The following SYT7 variants were observed in gnomAD, a reference collection of about 807,000 sequenced individuals.
The protein encoded by SYT7 is synaptotagmin-7.
In SYT7, 29 loss-of-function variants were observed where a neutral mutation model predicts 75.1. The observed-to-expected ratio is 0.39, with a 90% CI of 0.29 to 0.53. The LOEUF is 0.53. Ranked by LOEUF, SYT7 falls within the 20% of genes least tolerant of loss-of-function variation. The pLI is 0.77. For synonymous variants in SYT7, 376 were observed against 401.7 expected (o/e 0.94, Z 0.76); for missense variants, 693 against 953.2 (o/e 0.73, Z 3.59).
chr11:61,532,074 A>AGGGT (rs1225571662), intron 8 of SYT7, among the ~76,000 whole-genome samples: 1 of 151,924 alleles, frequency 6.6e-6, no homozygotes, highest in Non-Finnish European at 1.5e-5. Context: ...ACATGGCAGA[A>AGGGT]GGGTGGGGGC....
chr11:61,579,307 C>T (rs2135468274), intron 1 of SYT7, among the ~76,000 whole-genome samples: 1 of 152,342 alleles, frequency 6.6e-6, no homozygotes, highest in Admixed American at 6.5e-5. Flanking sequence ...AGCCGGCGGC[C>T]TCTTCGACGA....
chr11:61,527,210 C>T (rs1411856975), intron 9 of SYT7, among the ~76,000 whole-genome samples: 1 of 152,128 alleles, frequency 6.6e-6, no homozygotes, highest in Non-Finnish European at 1.5e-5. Context: ...CCGTCCCATG[C>T]GGGGGAGGGG....
chr11:61,545,910 G>A (rs892224252), intron 5 of SYT7, 121 bp downstream of exon 5: 13 of 851,848 alleles, frequency 1.5e-5, no homozygotes, highest in South Asian at 7.0e-5. Flanking sequence ...GATGGAATGA[G>A]CCAGGGGCCG....
chr11:61,585,390 G>A (rs557565300), upstream of SYT7, among the ~76,000 whole-genome samples: 2 of 152,236 alleles, frequency 1.3e-5, no homozygotes, highest in South Asian at 2.1e-4. Flanking sequence ...CTGAGCATTC[G>A]CCTGATTCAG....
chr11:61,527,476 A>G (rs1005704952), intron 9 of SYT7, among the ~76,000 whole-genome samples: 3 of 152,174 alleles, frequency 2.0e-5, no homozygotes, highest in Admixed American at 2.0e-4. Flanking sequence ...CTGAACCACT[A>G]TGATCTGGTG....
chr11:61,541,276 C>G, intron 6 of SYT7: 1 of 985,426 alleles, frequency 1.0e-6, no homozygotes, highest in Non-Finnish European at 1.2e-6. Flanking sequence ...AAGACCTGGG[C>G]GATGGGAACA....
At chr11:61,547,768 A>G (rs1334749104) in intron 3 of SYT7, among the ~76,000 whole-genome samples, 1 of 152,134 alleles carries the variant, frequency 6.6e-6, no homozygotes, top group Non-Finnish European at 1.5e-5. Context: ...CCAGGTGCCA[A>G]CTTGCTGGGC....
rs1173155392 is a variant in SYT7, at chr11:61,551,976, TG to T, written c.136-514del. 6.6e-6 allele frequency among the ~76,000 whole-genome samples: 1 copy of T among 152,046 alleles called. No individual in the cohort carries two copies. The highest frequency in any genetic ancestry group is 6.5e-5 in the Admixed American group (1 of 15,276). Reference sequence around the variant, plus strand: ...TGTCCACCACTGTCTGGGGGTTCTCTGGGGGGTCCTTGTGCCCTGGGGCTGT... The same window carrying T: ...TGTCCACCACTGTCTGGGGGTTCTCTGGGGGTCCTTGTGCCCTGGGGCTGT... On this transcript the variant is annotated intron_variant, in intron 2 of 12. Transcript: ENST00000539008. This position sits in a 1 kb window ranked among gnomAD's most constrained non-coding sequence, Gnocchi z 5.3.
chr11:61,577,003 C>T (rs1351270020), intron 1 of SYT7, among the ~76,000 whole-genome samples: 2 of 152,130 alleles, frequency 1.3e-5, no homozygotes, highest in African/African-American at 2.4e-5. Context: ...ACGTTCCCAC[C>T]TCAATCCGGC....
chr11:61,542,125 C>T lies in SYT7; in HGVS notation c.941+86G>A. ...AGGGGATGGAGGGCCGGGAGGTACACACAACCAGCTGCTCCCAAGGAGATC... is the reference window on the plus strand; with the variant it reads ...AGGGGATGGAGGGCCGGGAGGTACATACAACCAGCTGCTCCCAAGGAGATC... On this transcript the variant is annotated intron_variant, in intron 6 of 12. Coordinates refer to ENST00000539008, the MANE Select transcript of SYT7 (RefSeq NM_001365809.2). The surrounding 1 kb of genome is among the most constrained non-coding windows in gnomAD (Gnocchi z 7.8). 2 of 1,460,464 alleles carry T rather than the reference C, an allele frequency of 1.4e-6. No individual in the cohort carries two copies. The highest frequency in any genetic ancestry group is 2.3e-5 in the Admixed American group (1 of 42,750). The allele number at this position is 1,460,464 out of a possible 1,614,324, so 90.5% of individuals were successfully genotyped here. A position where few individuals can be genotyped will look rare whatever the true frequency, so the allele number is the denominator to read the frequency against.
chr11:61,571,348 C>T (rs955756601), intron 1 of SYT7, among the ~76,000 whole-genome samples: 2 of 152,248 alleles, frequency 1.3e-5, no homozygotes, highest in African/African-American at 2.4e-5. Flanking sequence ...CTGAAGTAGC[C>T]AGGCTGGGTC....
chr11:61,556,306 G>A, intron 1 of SYT7, 99 bp from the exon 2 acceptor site: 1 of 943,860 alleles, frequency 1.1e-6, no homozygotes, highest in South Asian at 1.6e-5. Flanking sequence ...CCTCCATCTG[G>A]CCCCTTCACT....
intron 7 of SYT7, among the ~76,000 whole-genome samples, chr11:61,537,161 A>G (rs2062892240): frequency 6.6e-6 from 1 of 152,102 alleles, no homozygotes; most frequent in South Asian, 2.1e-4. Context: ...GTCTGATGGG[A>G]AGCAGACCCA....
In SYT7 at chr11:61,551,289, G is replaced by A; in HGVS notation, c.215+95C>T. On this transcript the variant is annotated intron_variant, in intron 3 of 12. Coordinates refer to ENST00000539008, the MANE Select transcript of SYT7 (RefSeq NM_001365809.2). The surrounding 1 kb of genome is among the most constrained non-coding windows in gnomAD (Gnocchi z 5.3). ...ATCGGGGTGTGGGGGAAGTGAAAGT[G>A]TGTGGTCAGGTCTGTGGGGCTGGGG... 8.6e-7 allele frequency: 1 copy of A among 1,157,150 alleles called. No individual in the cohort carries two copies. Among genetic ancestry groups the A allele is most frequent in the South Asian group, 1.3e-5 (1 of 77,438 alleles). The allele number at this position is 1,157,150 out of a possible 1,614,324, so 71.7% of individuals were successfully genotyped here. A position where few individuals can be genotyped will look rare whatever the true frequency, so the allele number is the denominator to read the frequency against.
chr11:61,517,641 C>G lies in SYT7; in HGVS notation c.*986G>C. On this transcript the variant is annotated 3_prime_UTR_variant, in exon 13 of 13. Coordinates refer to ENST00000539008, the MANE Select transcript of SYT7 (RefSeq NM_001365809.2). ...GTGGCTGCGTATGAGGTGTGGGAAG[C>G]TGGCGGGGGGTCTTTTGATGAAGGA... is the stretch of plus-strand genomic sequence containing the variant. 2.5e-6 allele frequency: 1 copy of G among 398,834 alleles called. No individual in the cohort carries two copies. The highest frequency in any genetic ancestry group is 6.3e-4 in the Middle Eastern group (1 of 1,592). The allele number at this position is 398,834 out of a possible 1,614,324, so 24.7% of individuals were successfully genotyped here. A position where few individuals can be genotyped will look rare whatever the true frequency, so the allele number is the denominator to read the frequency against.
At chr11:61,532,899 T>C (rs2135150176) in intron 8 of SYT7, 90 bp downstream of exon 8, 1 of 1,552,080 alleles carries the variant, frequency 6.4e-7, no homozygotes, top group Non-Finnish European at 8.7e-7. Flanking sequence ...ACTCCCATGC[T>C]GTTAATCATT....
Position 61,551,319 on chromosome 11 carries a change from G to C in SYT7, c.215+65C>G. 1 of 1,485,352 alleles carries C rather than the reference G, an allele frequency of 6.7e-7. No individual in the cohort carries two copies. The highest frequency in any genetic ancestry group is 2.3e-5 in the East Asian group (1 of 44,254). 92.0% of individuals were successfully genotyped at this position (1,485,352 alleles called of 1,614,324 possible). A position where few individuals can be genotyped will look rare whatever the true frequency, so the allele number is the denominator to read the frequency against. On this transcript the variant is annotated intron_variant, in intron 3 of 12. Coordinates refer to ENST00000539008, the MANE Select transcript of SYT7 (RefSeq NM_001365809.2). The surrounding 1 kb of genome is among the most constrained non-coding windows in gnomAD (Gnocchi z 5.3). ...GTCAGGTCTGTGGGGCTGGGGGAGAGAAGGGGCTCCTCCCACCTGGGCTGC... is the reference window on the plus strand; with the variant it reads ...GTCAGGTCTGTGGGGCTGGGGGAGACAAGGGGCTCCTCCCACCTGGGCTGC...
intron 1 of SYT7, among the ~76,000 whole-genome samples, chr11:61,561,934 A>AGAGATGGGAGAGGCTGCAGTGAT (rs1176883741): frequency 7.9e-5 from 12 of 152,008 alleles, no homozygotes; most frequent in Non-Finnish European, 1.5e-4. Context: ...ATGGAAGAGA[A>AGAGATGGGAGAGGCTGCAGTGAT]GAGATGGGAG....
Position 61,524,594 on chromosome 11 carries a change from G to A in SYT7, c.1472-62C>T, listed in dbSNP as rs962728674. Reference sequence around the variant, plus strand: ...AGAGGGGCTGCACGGGGCCCGGGAGGCAAGGAAGGCCCTGGGAAGAGGAGG... The same window carrying A: ...AGAGGGGCTGCACGGGGCCCGGGAGACAAGGAAGGCCCTGGGAAGAGGAGG... On this transcript the variant is annotated intron_variant, in intron 9 of 12. Transcript: ENST00000539008. This position sits in a 1 kb window ranked among gnomAD's most constrained non-coding sequence, Gnocchi z 4.1. The A allele has an allele frequency of 6.0e-6, 9 of 1,497,184 alleles. No homozygotes were observed. Among genetic ancestry groups the A allele is most frequent in the Non-Finnish European group, 8.1e-6 (9 of 1,115,394 alleles). 92.7% of individuals were successfully genotyped at this position (1,497,184 alleles called of 1,614,324 possible).
Sources: gnomAD v4.1 joint callset for allele counts (sites outside exome capture counted in the v4.1 genomes callset) on GRCh38, gnomAD v4.1.1 for gene constraint, Gnocchi (gnomAD v3.1) non-coding constraint, MANE v1.5 for transcripts, NCBI Gene and HGNC (gene_info 2026-07-23, HGNC 2026-07-21) for gene names.